HHIPL1: variants seen among roughly 807,000 people sequenced by gnomAD.
The protein encoded by HHIPL1 is HHIP like 1.
In HHIPL1, 43 loss-of-function variants were observed where a neutral mutation model predicts 61.8. The observed-to-expected ratio is 0.70, with a 90% CI of 0.55 to 0.90. The LOEUF (loss-of-function observed/expected upper bound fraction) is 0.90. HHIPL1 is among the 40% of genes least tolerant of loss of function. The pLI is 0.00. For missense variants in HHIPL1, 1,056 were observed against 1,157.7 expected (o/e 0.91, Z 1.28); for synonymous variants, 482 against 515.8 (o/e 0.93, Z 0.89).
the HHIPL1 span, among the ~76,000 whole-genome samples, chr14:99,631,098 T>TTC: frequency 2.3e-5 from 3 of 133,024 alleles, no homozygotes; most frequent in Non-Finnish European, 5.0e-5. Context: ...CTTTCTTTCT[T>TTC]TCTTTCTTTC....
At chr14:99,639,374 G>A in the HHIPL1 span, among the ~76,000 whole-genome samples, 1 of 152,064 alleles carries the variant, frequency 6.6e-6, no homozygotes, top group Non-Finnish European at 1.5e-5. Context: ...TTTTGAGACA[G>A]GGTCTCGCAC....
In HHIPL1 at chr14:99,672,413, A is replaced by G; in HGVS notation, c.1813+14A>G. ...TGCCCAAAGAAAGTAAGTGCCTGCC[A>G]GTGGGACACTGAGGGTTGGGGGAGA... On this transcript the variant is annotated intron_variant, in intron 8 of 8. Transcript: ENST00000330710. The G allele has an allele frequency of 2.6e-6, 4 of 1,547,128 alleles. No homozygotes were observed. The highest frequency in any genetic ancestry group is 1.7e-6 in the Non-Finnish European group (2 of 1,143,370).
the HHIPL1 span, among the ~76,000 whole-genome samples, chr14:99,639,719 T>A: frequency 6.6e-6 from 1 of 152,034 alleles, no homozygotes; most frequent in Non-Finnish European, 1.5e-5. Flanking sequence ...TGGAGTGCAG[T>A]GGTGTGATCT....
At position 99,659,480 on chromosome 14, in the gene HHIPL1, G is replaced by C. The variant is rs1241898575; in HGVS notation, c.1099G>C (p.Gly367Arg). 6.5e-7 allele frequency: 1 copy of C among 1,533,376 alleles called. No homozygotes were observed. Among genetic ancestry groups the C allele is most frequent in the African/African-American group, 1.4e-5 (1 of 71,230 alleles). The allele number at this position is 1,533,376 out of a possible 1,614,324, so 95.0% of individuals were successfully genotyped here. A position where few individuals can be genotyped will look rare whatever the true frequency, so the allele number is the denominator to read the frequency against. ...CATCGACGTGGACCGTAAGGAGCGCGGCCTGCCCTACGGCATCCCGCCCGA... is the reference window on the plus strand; with the variant it reads ...CATCGACGTGGACCGTAAGGAGCGCCGCCTGCCCTACGGCATCCCGCCCGA... The part of the protein sequence containing the change: ...LRIDVDRKER[G>R]LPYGIPPDNP... The change falls in exon 4 of 9, where the codon GGC (glycine) becomes CGC (arginine). Residue 367 changes from glycine (G) to arginine (R), a missense_variant. Physicochemically the swap from Gly to Arg is moderately radical, Grantham distance 125 (BLOSUM62 -2). Transcript: ENST00000330710.
At chr14:99,626,308 C>T in the HHIPL1 span, among the ~76,000 whole-genome samples, 2 of 149,944 alleles carry the variant, frequency 1.3e-5, no homozygotes, top group South Asian at 2.1e-4. Context: ...GTGTGATCCT[C>T]GGGGCTCTGA....
At position 99,659,425 on chromosome 14, in the gene HHIPL1, C is replaced by G. The variant is rs1170453664; in HGVS notation, c.1047-3C>G. 1.4e-6 allele frequency: 2 copies of G among 1,430,464 alleles called. No individual in the cohort carries two copies. The highest frequency in any genetic ancestry group is 1.8e-6 in the Non-Finnish European group (2 of 1,094,626). The allele number at this position is 1,430,464 out of a possible 1,614,324, so 88.6% of individuals were successfully genotyped here. A position where few individuals can be genotyped will look rare whatever the true frequency, so the allele number is the denominator to read the frequency against. On this transcript the variant is annotated splice_region_variant and splice_polypyrimidine_tract_variant and intron_variant, in intron 3 of 8. Coordinates refer to ENST00000330710, the MANE Select transcript of HHIPL1 (RefSeq NM_001127258.3). ...GCCGCGCCCTCTCCCACCCCGCCCG[C>G]AGGTCGGCGCTGCTGGGCAAGGTGC...
At chr14:99,670,901 A>T (rs537725668) in intron 7 of HHIPL1, among the ~76,000 whole-genome samples, 2 of 152,182 alleles carry the variant, frequency 1.3e-5, no homozygotes, top group Non-Finnish European at 2.9e-5. Flanking sequence ...AATGCTACAT[A>T]TACCAAGTGA....
chr14:99,641,414 T>C (rs1223010720), upstream of HHIPL1, among the ~76,000 whole-genome samples: 1 of 151,864 alleles, frequency 6.6e-6, no homozygotes, highest in African/African-American at 2.4e-5. Context: ...TTCTTTCTTT[T>C]TCTTTCTTTT....
In HHIPL1 at chr14:99,678,462, C is replaced by G. The variant is rs1388024877; in HGVS notation, c.*2836C>G. The G allele has an allele frequency of 6.6e-6, 1 of 152,222 alleles. No individual in the cohort carries two copies. The highest frequency in any genetic ancestry group is 1.5e-5 in the Non-Finnish European group (1 of 68,036). The allele number at this position is 152,222 out of a possible 1,614,324, so 9.4% of individuals were successfully genotyped here. ...CAGATGGAACAATAGTGAGAGGACA[C>G]CTGAACAAAGGAGGGAAGCAATTGT... On this transcript the variant is annotated 3_prime_UTR_variant, in exon 9 of 9. Coordinates refer to ENST00000330710, the MANE Select transcript of HHIPL1 (RefSeq NM_001127258.3).
At chr14:99,607,936 T>A in the HHIPL1 span, among the ~76,000 whole-genome samples, 3 of 152,142 alleles carry the variant, frequency 2.0e-5, no homozygotes, top group Admixed American at 1.3e-4. Flanking sequence ...TATATACACA[T>A]TGCAATGCAT....
At chr14:99,662,223 G>A (rs2056163572) in intron 5 of HHIPL1, among the ~76,000 whole-genome samples, 1 of 152,132 alleles carries the variant, frequency 6.6e-6, no homozygotes, top group South Asian at 2.1e-4. Context: ...ACCCCAGAGA[G>A]CCTGTGCACA....
chr14:99,673,560 T>C (rs1595171974), intron 8 of HHIPL1, among the ~76,000 whole-genome samples: 3 of 31,930 alleles, frequency 9.4e-5, no homozygotes, highest in Admixed American at 3.8e-4. Flanking sequence ...GGGGTTGCAC[T>C]GAGGGGGGTG....
chr14:99,631,874 A>T, the HHIPL1 span, among the ~76,000 whole-genome samples: 1 of 152,206 alleles, frequency 6.6e-6, no homozygotes, highest in Non-Finnish European at 1.5e-5. Context: ...TACTGGCCAA[A>T]GTGCCCTGGA....
In HHIPL1 at chr14:99,668,125, C is replaced by A; in HGVS notation, c.1649-97C>A. 2 of 778,276 alleles carry A rather than the reference C, an allele frequency of 2.6e-6. No homozygotes were observed. The highest frequency in any genetic ancestry group is 1.7e-5 in the Admixed American group (1 of 58,068). 48.2% of individuals were successfully genotyped at this position (778,276 alleles called of 1,614,324 possible). On this transcript the variant is annotated intron_variant, in intron 6 of 8. Coordinates refer to ENST00000330710, the MANE Select transcript of HHIPL1 (RefSeq NM_001127258.3). This position sits in a 1 kb window ranked among gnomAD's most constrained non-coding sequence, Gnocchi z 4.7. ...CGTGATGGCTAGCTGGGGTTGGGGT[C>A]TATTTCCAAGCCTGCAGGGAGCCGG...
At chr14:99,643,607 C>G (rs2055781643), upstream of HHIPL1, among the ~76,000 whole-genome samples, 1 of 152,190 alleles carries the variant, frequency 6.6e-6, no homozygotes, top group Non-Finnish European at 1.5e-5. Context: ...AGTTCTGAGT[C>G]CCAGCTGGGA....
chr14:99,654,637 A>G (rs56306576), intron 2 of HHIPL1, among the ~76,000 whole-genome samples: 435 of 152,356 alleles, frequency 2.9e-3, no homozygotes, highest in African/African-American at 9.8e-3. Flanking sequence ...TGTGTGTTTG[A>G]TAAAACTGTA....
At chr14:99,670,348 G>A (rs1437754459) in intron 7 of HHIPL1, among the ~76,000 whole-genome samples, 2 of 152,184 alleles carry the variant, frequency 1.3e-5, no homozygotes, top group African/African-American at 4.8e-5. Context: ...CTGACCTCAA[G>A]TGATCGGCCC....
chr14:99,659,838 GAGA>G, intron 4 of HHIPL1, 82 bp downstream of exon 4: 1 of 514,518 alleles, frequency 1.9e-6, no homozygotes, highest in Non-Finnish European at 2.7e-6. Flanking sequence ...GCCTCCCTCG[GAGA>G]CCGCACCCCC....
At chr14:99,667,613 GC>G (rs2056266424) in intron 6 of HHIPL1, among the ~76,000 whole-genome samples, 2 of 152,210 alleles carry the variant, frequency 1.3e-5, no homozygotes, top group Non-Finnish European at 2.9e-5. Flanking sequence ...CATGTACTCT[GC>G]TCCTGCCTGG....
Sources: gnomAD v4.1 joint callset for allele counts (sites outside exome capture counted in the v4.1 genomes callset) on GRCh38, gnomAD v4.1.1 for gene constraint, Gnocchi (gnomAD v3.1) non-coding constraint, MANE v1.5 for transcripts, NCBI Gene and HGNC (gene_info 2026-07-23, HGNC 2026-07-21) for gene names.